Variants in OR1Q1 observed in about 807,000 individuals in gnomAD.
OR1Q1 encodes olfactory receptor family 1 subfamily Q member 1, also known as olfactory receptor 1Q1.
For synonymous variants in OR1Q1, 151 were observed against 143.0 expected, an observed-to-expected ratio of 1.06 and a Z score of -0.40; for missense variants, 362 against 391.1, an observed-to-expected ratio of 0.93 and a Z score of 0.63.
At position 122,615,479 on chromosome 9, in the gene OR1Q1, G is replaced by T. The variant is rs199776950; in HGVS notation, c.742G>T (p.Val248Leu). The T allele has an allele frequency of 1.2e-6, 2 of 1,613,976 alleles. No individual in the cohort carries two copies. The highest frequency in any genetic ancestry group is 1.7e-6 in the Non-Finnish European group (2 of 1,179,960). The change falls in exon 1 of 1, where the codon GTG becomes TTG. Residue 248 changes from valine (V) to leucine (L), a missense_variant. Transcript: ENST00000297913. ...FSTCGSHLTVVAIFYGTLSWV... is the reference protein window; with the variant it reads ...FSTCGSHLTVLAIFYGTLSWV... ...TACCTGCGGCTCCCACCTCACTGTG[G>T]TGGCCATATTCTATGGCACCCTCAG...
rs1313728884 is a variant in OR1Q1, at chr9:122,615,439, G to A, written c.702G>A (p.Arg234=). ...VVLRIPSAKG[R]WKTFSTCGSH... ...TCCGGATCCCCTCAGCCAAGGGCAG[G>A]TGGAAAACCTTTTCTACCTGCGGCT... Residue 234 remains arginine, a synonymous_variant, in exon 1 of 1, where the codon AGG becomes AGA. Coordinates refer to ENST00000297913, the MANE Select transcript of OR1Q1 (RefSeq NM_012364.1). 1.2e-6 allele frequency: 2 copies of A among 1,614,146 alleles called. No homozygotes were observed. Among genetic ancestry groups the A allele is most frequent in the Non-Finnish European group, 1.7e-6 (2 of 1,180,022 alleles).
In OR1Q1 at chr9:122,615,313, C is replaced by T. The variant is rs1180028672; in HGVS notation, c.576C>T (p.Thr192=). The part of the protein sequence containing the change: ...YALMKISCTS[T]YLNTLMIHTE... The stretch of plus-strand genomic sequence containing the variant: ...TGATGAAGATCTCCTGCACCAGCAC[C>T]TACCTCAACACCCTTATGATTCACA... Residue 192 remains threonine, a synonymous_variant, in exon 1 of 1, where the codon ACC becomes ACT. Transcript: ENST00000297913. The T allele has an allele frequency of 1.2e-6, 2 of 1,614,112 alleles. No individual in the cohort carries two copies. Among genetic ancestry groups the T allele is most frequent in the African/African-American group, 2.7e-5 (2 of 74,944 alleles).
Position 122,615,546 on chromosome 9 carries a change from AG to A in OR1Q1, c.812del (p.Gly271ValfsTer4), listed in dbSNP as rs969634612. ...FRPLSSYSVT[K>X]GRIITVVYTV... Reference sequence around the variant, plus strand: ...CCCCTTTCCAGCTATTCAGTGACCAAGGGTCGCATTATAACAGTCGTGTACA... The same window carrying A: ...CCCCTTTCCAGCTATTCAGTGACCAAGGTCGCATTATAACAGTCGTGTACA... On this transcript the variant is annotated frameshift_variant, in exon 1 of 1. Transcript: ENST00000297913. LOFTEE classifies it low-confidence loss of function (END_TRUNC). The A allele has an allele frequency of 3.1e-6, 5 of 1,606,624 alleles. No homozygotes were observed. The highest frequency in any genetic ancestry group is 3.4e-6 in the Non-Finnish European group (4 of 1,176,410).
Position 122,615,457 on chromosome 9 carries a change from C to T in OR1Q1, c.720C>T (p.Thr240=). Residue 240 remains threonine (T), a synonymous_variant, in exon 1 of 1, where the codon ACC becomes ACT. Coordinates refer to ENST00000297913, the MANE Select transcript of OR1Q1 (RefSeq NM_012364.1). ...AGGGCAGGTGGAAAACCTTTTCTAC[C>T]TGCGGCTCCCACCTCACTGTGGTGG... ...SAKGRWKTFS[T]CGSHLTVVAI... The T allele has an allele frequency of 6.2e-7, 1 of 1,614,096 alleles. No individual in the cohort carries two copies. The highest frequency in any genetic ancestry group is 1.1e-5 in the South Asian group (1 of 91,064).
rs767688567 is a variant in OR1Q1, at chr9:122,615,535, T to C, written c.798T>C (p.Tyr266=). Residue 266 remains tyrosine (Y), a synonymous_variant, in exon 1 of 1, where the codon TAT becomes TAC. Transcript: ENST00000297913. ...SWVYFRPLSS[Y]SVTKGRIITV... ...TCTACTTCCGGCCCCTTTCCAGCTATTCAGTGACCAAGGGTCGCATTATAA... is the reference window on the plus strand; with the variant it reads ...TCTACTTCCGGCCCCTTTCCAGCTACTCAGTGACCAAGGGTCGCATTATAA... 9.3e-6 allele frequency: 15 copies of C among 1,608,764 alleles called. No homozygotes were observed. Among genetic ancestry groups the C allele is most frequent in the Non-Finnish European group, 1.2e-5 (14 of 1,177,358 alleles).
chr9:122,615,281 T>C lies in OR1Q1; in HGVS notation c.544T>C (p.Tyr182His), dbSNP rs1830045153. Residue 182 changes from tyrosine (Y) to histidine (H), a missense_variant, in exon 1 of 1, where the codon TAC becomes CAC. By Grantham distance (83) the Tyr-to-His change is moderately conservative. Transcript: ENST00000297913. ...NRIPHFFCDL[Y>H]ALMKISCTST... ...AATCCCCCACTTCTTCTGTGACCTC[T>C]ACGCTCTGATGAAGATCTCCTGCAC... 6.2e-7 allele frequency: 1 copy of C among 1,614,084 alleles called. No homozygotes were observed. The highest frequency in any genetic ancestry group is 1.3e-5 in the African/African-American group (1 of 74,932).
chr9:122,615,445 A>G lies in OR1Q1; in HGVS notation c.708A>G (p.Lys236=), dbSNP rs1281590932. The change falls in exon 1 of 1, where the codon AAA becomes AAG. Residue 236 remains lysine (K), a synonymous_variant. Transcript: ENST00000297913. ...LRIPSAKGRW[K]TFSTCGSHLT... Reference sequence around the variant, plus strand: ...TCCCCTCAGCCAAGGGCAGGTGGAAAACCTTTTCTACCTGCGGCTCCCACC... The same window carrying G: ...TCCCCTCAGCCAAGGGCAGGTGGAAGACCTTTTCTACCTGCGGCTCCCACC... The G allele has an allele frequency of 2.5e-6, 4 of 1,614,072 alleles. No homozygotes were observed. The highest frequency in any genetic ancestry group is 3.4e-6 in the Non-Finnish European group (4 of 1,180,010).
rs771925852 is a variant in OR1Q1 at position 122,615,058 on chromosome 9, C to T, written c.321C>T (p.Phe107=). The stretch of plus-strand genomic sequence containing the variant: ...CCCAAACTTATTTCTTCATTTGCTT[C>T]GCCGTCATGGAAAACTTCATCCTGG... ...CLAQTYFFIC[F]AVMENFILAV... Residue 107 remains phenylalanine, a synonymous_variant, in exon 1 of 1, where the codon TTC becomes TTT. Transcript: ENST00000297913. The T allele has an allele frequency of 1.0e-4, 163 of 1,614,052 alleles. 2 individuals are homozygous for T. Among genetic ancestry groups the T allele is most frequent in the South Asian group, 8.8e-4 (80 of 91,076 alleles).
rs1209317798 is a variant in OR1Q1, at chr9:122,614,960, T to C, written c.223T>C (p.Ser75Pro). The C allele has an allele frequency of 6.2e-7, 1 of 1,614,146 alleles. No homozygotes were observed. The highest frequency in any genetic ancestry group is 2.2e-5 in the East Asian group (1 of 44,888). The change falls in exon 1 of 1, where the codon TCC (serine) becomes CCC (proline). Residue 75 changes from serine to proline, a missense_variant. Ser to Pro is a moderately conservative substitution (Grantham distance 74). Transcript: ENST00000297913. ...NLALTDICFT[S>P]TTVPKMLQII... ...GGCCTTGACAGACATCTGCTTCACC[T>C]CCACCACGGTCCCCAAGATGCTGCA...
At position 122,615,107 on chromosome 9, in the gene OR1Q1, A is replaced by C; in HGVS notation, c.370A>C (p.Ile124Leu). The change falls in exon 1 of 1, where the codon ATT becomes CTT. Residue 124 changes from isoleucine to leucine, a missense_variant. Transcript: ENST00000297913. ...GGCTGTGATGGCCTATGACAGGTAC[A>C]TTGCCATCTGCCACCCTTTCCACTA... ...ILAVMAYDRY[I>L]AICHPFHYTM... 6.2e-7 allele frequency: 1 copy of C among 1,614,116 alleles called. No individual in the cohort carries two copies.
At position 122,615,475 on chromosome 9, in the gene OR1Q1, TG is replaced by T; in HGVS notation, c.739del (p.Val247TrpfsTer22). ...TFSTCGSHLT[V>X]VAIFYGTLSW... ...TTTCTACCTGCGGCTCCCACCTCAC[TG>T]TGGTGGCCATATTCTATGGCACCCT... is the stretch of plus-strand genomic sequence containing the variant. On this transcript the variant is annotated frameshift_variant, in exon 1 of 1. Coordinates refer to ENST00000297913, the MANE Select transcript of OR1Q1 (RefSeq NM_012364.1). LOFTEE classifies it low-confidence loss of function (END_TRUNC). 6.2e-7 allele frequency: 1 copy of T among 1,614,020 alleles called. No individual in the cohort carries two copies. The highest frequency in any genetic ancestry group is 1.1e-5 in the South Asian group (1 of 91,062).
In OR1Q1 at chr9:122,615,528, C is replaced by A. The variant is rs865983188; in HGVS notation, c.791C>A (p.Ser264Tyr). The A allele has an allele frequency of 2.5e-6, 4 of 1,609,752 alleles. No homozygotes were observed. In the African/African-American group the frequency reaches 5.3e-5, roughly 22 times the overall value. ...AGTTGGGTCTACTTCCGGCCCCTTT[C>A]CAGCTATTCAGTGACCAAGGGTCGC... ...TLSWVYFRPL[S>Y]SYSVTKGRII... Residue 264 changes from serine (S) to tyrosine (Y), a missense_variant, in exon 1 of 1, where the codon TCC (serine) becomes TAC (tyrosine). By Grantham distance (144) the Ser-to-Tyr change is moderately radical. Transcript: ENST00000297913.
rs759599367 is a variant in OR1Q1, at chr9:122,614,954, T to A, written c.217T>A (p.Phe73Ile). 4 of 1,614,082 alleles carry A rather than the reference T, an allele frequency of 2.5e-6. No individual in the cohort carries two copies. In the African/African-American group the frequency reaches 5.3e-5, roughly 22 times the overall value. ...TAACTTGGCCTTGACAGACATCTGC[T>A]TCACCTCCACCACGGTCCCCAAGAT... is the stretch of plus-strand genomic sequence containing the variant. ...LSNLALTDIC[F>I]TSTTVPKMLQ... Residue 73 changes from phenylalanine (F) to isoleucine (I), a missense_variant, in exon 1 of 1, where the codon TTC (phenylalanine) becomes ATC (isoleucine). By Grantham distance (21) the Phe-to-Ile change is conservative. Transcript: ENST00000297913.
Position 122,615,377 on chromosome 9 carries a change from A to T in OR1Q1, c.640A>T (p.Ile214Phe). ...TGTAATCAGTGGAGCTCTGGCCTTC[A>T]TTACTGCCTCCTATGCCTGCATCAT... is the stretch of plus-strand genomic sequence containing the variant. ...AVVISGALAF[I>F]TASYACIILV... The change falls in exon 1 of 1, where the codon ATT (isoleucine) becomes TTT (phenylalanine). Residue 214 changes from isoleucine to phenylalanine, a missense_variant. Ile to Phe is a conservative substitution (Grantham distance 21, BLOSUM62 0). Coordinates refer to ENST00000297913, the MANE Select transcript of OR1Q1 (RefSeq NM_012364.1). 1 of 1,614,128 alleles carries T rather than the reference A, an allele frequency of 6.2e-7. No individual in the cohort carries two copies. The highest frequency in any genetic ancestry group is 1.1e-5 in the South Asian group (1 of 91,084).
At position 122,615,402 on chromosome 9, in the gene OR1Q1, T is replaced by C. The variant is rs1406270930; in HGVS notation, c.665T>C (p.Ile222Thr). ...ATTACTGCCTCCTATGCCTGCATCA[T>C]CCTGGTGGTCCTCCGGATCCCCTCA... Reference protein sequence around the residue: ...AFITASYACIILVVLRIPSAK... With the variant: ...AFITASYACITLVVLRIPSAK... The change falls in exon 1 of 1, where the codon ATC (isoleucine) becomes ACC (threonine). Residue 222 changes from isoleucine (I) to threonine (T), a missense_variant. Physicochemically the swap from Ile to Thr is moderately conservative, Grantham distance 89 (BLOSUM62 -1). Transcript: ENST00000297913. 3 of 1,614,064 alleles carry C rather than the reference T, an allele frequency of 1.9e-6. No individual in the cohort carries two copies. Among genetic ancestry groups the C allele is most frequent in the Non-Finnish European group, 2.5e-6 (3 of 1,180,030 alleles).
In OR1Q1 at chr9:122,614,805, A is replaced by T. The variant is rs768944602; in HGVS notation, c.68A>T (p.Glu23Val). ...VLLGISTHPE[E>V]QIPLFLVFSL... ...TTGGGCATTTCCACCCACCCAGAAG[A>T]GCAAATCCCACTCTTCCTTGTTTTC... is the stretch of plus-strand genomic sequence containing the variant. Residue 23 changes from glutamate (E) to valine (V), a missense_variant, in exon 1 of 1, where the codon GAG (glutamate) becomes GTG (valine). Physicochemically the swap from Glu to Val is moderately radical, Grantham distance 121. Transcript: ENST00000297913. The T allele has an allele frequency of 6.2e-7, 1 of 1,613,872 alleles. No homozygotes were observed. The highest frequency in any genetic ancestry group is 1.3e-5 in the African/African-American group (1 of 74,866).
At position 122,615,512 on chromosome 9, in the gene OR1Q1, T is replaced by G. The variant is rs760221185; in HGVS notation, c.775T>G (p.Tyr259Asp). ...AIFYGTLSWV[Y>D]FRPLSSYSVT... ...ATTCTATGGCACCCTCAGTTGGGTC[T>G]ACTTCCGGCCCCTTTCCAGCTATTC... Residue 259 changes from tyrosine to aspartate, a missense_variant, in exon 1 of 1, where the codon TAC becomes GAC. Coordinates refer to ENST00000297913, the MANE Select transcript of OR1Q1 (RefSeq NM_012364.1). The G allele has an allele frequency of 6.2e-7, 1 of 1,612,418 alleles. No individual in the cohort carries two copies. The highest frequency in any genetic ancestry group is 1.1e-5 in the South Asian group (1 of 90,778).
In OR1Q1 at chr9:122,614,964, C is replaced by G. The variant is rs1423378321; in HGVS notation, c.227C>G (p.Thr76Ser). Residue 76 changes from threonine to serine, a missense_variant, in exon 1 of 1, where the codon ACC becomes AGC. Physicochemically the swap from Thr to Ser is moderately conservative, Grantham distance 58. Coordinates refer to ENST00000297913, the MANE Select transcript of OR1Q1 (RefSeq NM_012364.1). ...TTGACAGACATCTGCTTCACCTCCA[C>G]CACGGTCCCCAAGATGCTGCAGATT... ...LALTDICFTSTTVPKMLQIIF... is the reference protein window; with the variant it reads ...LALTDICFTSSTVPKMLQIIF... The G allele has an allele frequency of 6.2e-7, 1 of 1,614,168 alleles. No homozygotes were observed. Among genetic ancestry groups the G allele is most frequent in the Non-Finnish European group, 8.5e-7 (1 of 1,179,990 alleles).
rs753615562 is a variant in OR1Q1 at position 122,615,072 on chromosome 9, A to G, written c.335A>G (p.Asn112Ser). ...YFFICFAVMENFILAVMAYDR... is the reference protein window; with the variant it reads ...YFFICFAVMESFILAVMAYDR... ...TTCATTTGCTTCGCCGTCATGGAAA[A>G]CTTCATCCTGGCTGTGATGGCCTAT... is the stretch of plus-strand genomic sequence containing the variant. The change falls in exon 1 of 1, where the codon AAC (asparagine) becomes AGC (serine). Residue 112 changes from asparagine (N) to serine (S), a missense_variant. Coordinates refer to ENST00000297913, the MANE Select transcript of OR1Q1 (RefSeq NM_012364.1). The G allele has an allele frequency of 8.7e-6, 14 of 1,613,900 alleles. No homozygotes were observed. Among genetic ancestry groups the G allele is most frequent in the Non-Finnish European group, 1.1e-5 (13 of 1,180,002 alleles).
Sources: gnomAD v4.1 joint callset for allele counts on GRCh38, gnomAD v4.1.1 for gene constraint, MANE v1.5 for transcripts, NCBI Gene and HGNC (gene_info 2026-07-23, HGNC 2026-07-21) for gene names.